The following C1GALT1 variants were observed in gnomAD, a reference collection of about 807,000 sequenced individuals.
C1GALT1 encodes the protein core 1 synthase, glycoprotein-N-acetylgalactosamine 3-beta-galactosyltransferase 1.
In C1GALT1, 11 loss-of-function variants were observed where a neutral mutation model predicts 31.0. The observed-to-expected ratio is 0.36, with a 90% CI of 0.22 to 0.59. The LOEUF (loss-of-function observed/expected upper bound fraction) is 0.59, where lower values mean the gene tolerates loss of function less well. C1GALT1 is among the 20% of genes least tolerant of loss of function. The probability of loss-of-function intolerance (pLI) is 0.79; values close to 1 mark genes in which losing one functional copy is unlikely to be tolerated. For synonymous variants in C1GALT1, 175 were observed against 143.6 expected (o/e 1.22, Z -1.56); for missense variants, 424 against 425.2 (o/e 1.00, Z 0.03).
chr7:7,192,533 C>T (rs530051389), intron 1 of C1GALT1, among the ~76,000 whole-genome samples: 4 of 152,126 alleles, frequency 2.6e-5, no homozygotes, highest in Middle Eastern at 3.4e-3. Flanking sequence ...ATACATACCA[C>T]ATTTTCTTTA....
chr7:7,223,408 C>G (rs10256877), intron 1 of C1GALT1, among the ~76,000 whole-genome samples: 34,764 of 152,096 alleles, frequency 0.23, 4,580 homozygotes, highest in African/African-American at 0.33. Flanking sequence ...AGAGATTCTC[C>G]CACCTCAGCC....
intron 2 of C1GALT1, among the ~76,000 whole-genome samples, chr7:7,175,568 G>A (rs1780496691): frequency 6.6e-6 from 1 of 152,156 alleles, no homozygotes; most frequent in Admixed American, 6.5e-5. Context: ...AGGTGTCTAG[G>A]GTTATTACTT....
chr7:7,191,473 G>A (rs975092735), intron 1 of C1GALT1, among the ~76,000 whole-genome samples: 4 of 152,108 alleles, frequency 2.6e-5, no homozygotes, highest in Admixed American at 2.6e-4. Flanking sequence ...TTGAAACCCT[G>A]CTCTCATTGG....
intron 1 of C1GALT1, among the ~76,000 whole-genome samples, chr7:7,233,965 T>TC (rs5882115): frequency 0.078 from 11,861 of 152,064 alleles, 540 homozygotes; most frequent in East Asian, 0.17. Flanking sequence ...GAAGTAGACT[T>TC]CCGTACTCAG....
rs76308707 is a variant in C1GALT1, at chr7:7,170,463, T to C, written c.-18+13037T>C. On this transcript the variant is annotated intron_variant, in intron 2 of 3. Coordinates refer to the C1GALT1 transcript ENST00000429911. Reference sequence around the variant, plus strand: ...TTTTGCTGCATCTGATGTTTTAATATATGTGTTTTAGTTTTCATTATTAAA... The same window carrying C: ...TTTTGCTGCATCTGATGTTTTAATACATGTGTTTTAGTTTTCATTATTAAA... Among the ~76,000 whole-genome samples the C allele has an allele frequency of 1.4e-3, 213 of 152,356 alleles. 3 individuals carry two copies. In the East Asian group the frequency reaches 0.038, roughly 27 times the overall value.
intron 2 of C1GALT1, among the ~76,000 whole-genome samples, chr7:7,174,048 C>T (rs1479812216): frequency 1.3e-5 from 2 of 152,102 alleles, no homozygotes; most frequent in African/African-American, 4.8e-5. Context: ...CTTTTCCTGG[C>T]TTTATAGGCA....
At chr7:7,158,476 C>T (rs1780297873) in intron 2 of C1GALT1, among the ~76,000 whole-genome samples, 1 of 151,996 alleles carries the variant, frequency 6.6e-6, no homozygotes, top group Non-Finnish European at 1.5e-5. Flanking sequence ...CTCTCTGAGT[C>T]TTAATTTCCA....
chr7:7,223,405 C>G (rs1012555644), intron 1 of C1GALT1, among the ~76,000 whole-genome samples: 3 of 152,196 alleles, frequency 2.0e-5, no homozygotes, highest in Non-Finnish European at 4.4e-5. Flanking sequence ...TCAAGAGATT[C>G]TCCCACCTCA....
intron 1 of C1GALT1, among the ~76,000 whole-genome samples, chr7:7,201,279 G>A (rs779246648): frequency 2.0e-5 from 3 of 152,298 alleles, no homozygotes; most frequent in Admixed American, 6.5e-5. Flanking sequence ...ACTCCAGACC[G>A]TGTTAGCCTG....
intron 1 of C1GALT1, among the ~76,000 whole-genome samples, chr7:7,199,905 C>T (rs2128235260): frequency 6.6e-6 from 1 of 152,270 alleles, no homozygotes; most frequent in East Asian, 1.9e-4. Flanking sequence ...AGATCTTCCT[C>T]CATCCCTTTA....
intron 2 of C1GALT1, among the ~76,000 whole-genome samples, chr7:7,161,891 A>C (rs1780337150): frequency 6.6e-6 from 1 of 152,088 alleles, no homozygotes; most frequent in African/African-American, 2.4e-5. Flanking sequence ...AAAGACAGTC[A>C]TAAAGAGGTC....
At chr7:7,191,800 T>C (rs145401435) in intron 1 of C1GALT1, among the ~76,000 whole-genome samples, 2 of 151,996 alleles carry the variant, frequency 1.3e-5, no homozygotes. Flanking sequence ...TTGAGTCTTT[T>C]GCACATTGTT....
intron 1 of C1GALT1, among the ~76,000 whole-genome samples, chr7:7,232,928 A>G (rs78330107): frequency 0.027 from 4,145 of 152,306 alleles, 164 homozygotes; most frequent in African/African-American, 0.095. Context: ...GGGTTTAGTG[A>G]GAATGAAAAA....
chr7:7,165,664 T>A (rs946791522), intron 2 of C1GALT1, among the ~76,000 whole-genome samples: 3 of 152,026 alleles, frequency 2.0e-5, no homozygotes, highest in African/African-American at 7.2e-5. Context: ...ATGTTCCCTT[T>A]CAGGAGAAAA....
intron 1 of C1GALT1, among the ~76,000 whole-genome samples, chr7:7,193,982 T>C (rs1328944931): frequency 1.3e-5 from 2 of 152,112 alleles, no homozygotes; most frequent in Admixed American, 6.6e-5. Context: ...GCTTGGTTGC[T>C]GTTAGTGTAT....
chr7:7,247,577 G>A lies in C1GALT1; in HGVS notation c.*3850G>A, dbSNP rs902625482. On this transcript the variant is annotated 3_prime_UTR_variant, in exon 4 of 4. Coordinates refer to ENST00000436587, the MANE Select transcript of C1GALT1 (RefSeq NM_020156.5). ...TTGAATATTAATTTTTCACTTCTTT[G>A]AGACTGTCAAACTATAGTTACTACC... 1.9e-4 allele frequency: 29 copies of A among 151,972 alleles called. No individual in the cohort carries two copies. The highest frequency in any genetic ancestry group is 9.8e-4 in the Admixed American group (15 of 15,274). 9.4% of individuals were successfully genotyped at this position (151,972 alleles called of 1,614,324 possible). A position where few individuals can be genotyped will look rare whatever the true frequency, so the allele number is the denominator to read the frequency against.
intron 1 of C1GALT1, among the ~76,000 whole-genome samples, chr7:7,199,932 GTC>G (rs1173688329): frequency 2.6e-5 from 4 of 152,110 alleles, no homozygotes; most frequent in Non-Finnish European, 5.9e-5. Flanking sequence ...GCCTATGTGT[GTC>G]TCTGCACGTG....
upstream of C1GALT1, chr7:7,182,531 A>C (rs1323201990): frequency 1.3e-5 from 2 of 152,106 alleles, no homozygotes; most frequent in South Asian, 2.1e-4. Flanking sequence ...GCGGCGGCGG[A>C]GACGTCAGCG....
intron 1 of C1GALT1, among the ~76,000 whole-genome samples, chr7:7,226,711 C>T (rs1782776667): frequency 6.6e-6 from 1 of 152,034 alleles, no homozygotes; most frequent in Admixed American, 6.6e-5. Context: ...TGCTGAAACC[C>T]AGCTAACAAA....
Sources: gnomAD v4.1 joint callset for allele counts (sites outside exome capture counted in the v4.1 genomes callset) on GRCh38, gnomAD v4.1.1 for gene constraint, MANE v1.5 for transcripts, NCBI Gene and HGNC (gene_info 2026-07-23, HGNC 2026-07-21) for gene names.